ADAMTS17: variants seen among roughly 807,000 people sequenced by gnomAD.
ADAMTS17 encodes A disintegrin and metalloproteinase with thrombospondin motifs 17.
Under a neutral mutation model 141.5 loss-of-function variants are expected in ADAMTS17, and 113 were observed. The observed-to-expected ratio is 0.80, with a 90% confidence interval of 0.69 to 0.93. ADAMTS17 has a LOEUF of 0.93. Ranked by LOEUF, ADAMTS17 falls within the 40% of genes least tolerant of loss-of-function variation. ADAMTS17 has a pLI of 0.00. For missense variants in ADAMTS17, 1,659 were observed against 1,517.9 expected (o/e 1.09, Z -1.54); for synonymous variants, 768 against 630.6 (o/e 1.22, Z -3.27).
intron 21 of ADAMTS17, 40 bp from the exon 22 acceptor site, chr15:99,974,602 G>C (rs1247878809): frequency 6.2e-7 from 1 of 1,613,414 alleles, no homozygotes; most frequent in South Asian, 1.1e-5. Context: ...GTCAGGGATG[G>C]CCTAGGCATG....
intron 21 of ADAMTS17, among the ~76,000 whole-genome samples, chr15:99,974,782 G>C (rs962201801): frequency 2.0e-5 from 3 of 152,252 alleles, no homozygotes; most frequent in Non-Finnish European, 4.4e-5. Context: ...CCACATGACA[G>C]AGTGTGGTGG....
intron 2 of ADAMTS17, among the ~76,000 whole-genome samples, chr15:100,338,520 T>C (rs1457523766): frequency 6.6e-6 from 1 of 152,236 alleles, no homozygotes; most frequent in Non-Finnish European, 1.5e-5. Context: ...CATCCGTAGC[T>C]GTAGCTGCTT....
intron 12 of ADAMTS17, among the ~76,000 whole-genome samples, chr15:100,125,434 C>T (rs1223047422): frequency 1.3e-5 from 2 of 152,210 alleles, no homozygotes; most frequent in Non-Finnish European, 1.5e-5. Context: ...GTCCTCCCGC[C>T]GTCTTAGCAG....
At chr15:100,074,332 G>T (rs968797849) in intron 15 of ADAMTS17, 11 of 152,022 alleles carry the variant, frequency 7.2e-5, no homozygotes, top group Non-Finnish European at 1.2e-4. Flanking sequence ...CGGGCTTACG[G>T]TTATATAGAG....
intron 8 of ADAMTS17, among the ~76,000 whole-genome samples, chr15:100,188,762 C>T (rs773820776): frequency 3.9e-5 from 6 of 152,128 alleles, no homozygotes; most frequent in African/African-American, 9.7e-5. Flanking sequence ...GGAAACCTAG[C>T]GTCAAATTCC....
chr15:100,207,259 T>G (rs2041609866), intron 7 of ADAMTS17, among the ~76,000 whole-genome samples: 1 of 152,108 alleles, frequency 6.6e-6, no homozygotes, highest in Non-Finnish European at 1.5e-5. Context: ...GAGGACACAG[T>G]GAGAAGGCAG....
In ADAMTS17 at chr15:99,997,076, C is replaced by T. The variant is rs942710336; in HGVS notation, c.2796+309G>A. ...AGCCTGAGCACACCACAGTTAAATA[C>T]ACCCAAAGGAGAATTAAAAAGTCGG... is the stretch of plus-strand genomic sequence containing the variant. On this transcript the variant is annotated intron_variant, in intron 19 of 21. Coordinates refer to ENST00000268070, the MANE Select transcript of ADAMTS17 (RefSeq NM_139057.4). The surrounding 1 kb of genome is among the most constrained non-coding windows in gnomAD (Gnocchi z 4.7). Among the ~76,000 whole-genome samples, 3 of 152,214 alleles carry T rather than the reference C, an allele frequency of 2.0e-5. No individual in the cohort carries two copies. Among genetic ancestry groups the T allele is most frequent in the Non-Finnish European group, 4.4e-5 (3 of 68,048 alleles).
At chr15:100,078,273 A>G (rs1317176328) in intron 15 of ADAMTS17, among the ~76,000 whole-genome samples, 1 of 152,104 alleles carries the variant, frequency 6.6e-6, no homozygotes, top group Non-Finnish European at 1.5e-5. Context: ...TGAAAATGCA[A>G]CAGACCCAGA....
At chr15:100,004,885 T>C (rs2061008361) in intron 18 of ADAMTS17, among the ~76,000 whole-genome samples, 1 of 152,204 alleles carries the variant, frequency 6.6e-6, no homozygotes, top group East Asian at 1.9e-4. Context: ...CCTCCCAAAG[T>C]GCCGGGATTA....
intron 2 of ADAMTS17, among the ~76,000 whole-genome samples, chr15:100,333,462 C>T (rs1206651893): frequency 6.6e-6 from 1 of 152,144 alleles, no homozygotes; most frequent in African/African-American, 2.4e-5. Flanking sequence ...GGGGTGGAGC[C>T]CAGGCACTGA....
In ADAMTS17 at chr15:100,110,553, C is replaced by T. The variant is rs189695417; in HGVS notation, c.1889-1437G>A. Among the ~76,000 whole-genome samples, 41 of 152,012 alleles carry T rather than the reference C, an allele frequency of 2.7e-4. No individual in the cohort carries two copies. In the East Asian group the frequency reaches 6.2e-3, roughly 23 times the overall value. On this transcript the variant is annotated intron_variant, in intron 13 of 21. Coordinates refer to ENST00000268070, the MANE Select transcript of ADAMTS17 (RefSeq NM_139057.4). Reference sequence around the variant, plus strand: ...TGCTGGGATTATAGAAGTGAGCCACCGCGCCCCGCAAGACTCAGTATATAT... The same window carrying T: ...TGCTGGGATTATAGAAGTGAGCCACTGCGCCCCGCAAGACTCAGTATATAT...
intron 7 of ADAMTS17, among the ~76,000 whole-genome samples, chr15:100,207,025 G>C (rs534538571): frequency 6.6e-6 from 1 of 152,320 alleles, no homozygotes; most frequent in East Asian, 1.9e-4. Flanking sequence ...ACTGTTATGG[G>C]CTAAACTGTG....
At chr15:100,054,247 G>C (rs553928932) in intron 15 of ADAMTS17, among the ~76,000 whole-genome samples, 193 bp from the exon 16 acceptor site, 3 of 152,302 alleles carry the variant, frequency 2.0e-5, no homozygotes, top group African/African-American at 7.2e-5. Context: ...AGGGAGCACG[G>C]AGATGCAGAC....
intron 15 of ADAMTS17, among the ~76,000 whole-genome samples, chr15:100,078,712 G>C (rs2034541550): frequency 6.6e-6 from 1 of 152,130 alleles, no homozygotes; most frequent in Non-Finnish European, 1.5e-5. Context: ...AGAAAAAATA[G>C]TTTAACTGGA....
At chr15:100,090,764 T>G (rs555883945) in intron 15 of ADAMTS17, among the ~76,000 whole-genome samples, 2 of 151,972 alleles carry the variant, frequency 1.3e-5, no homozygotes, top group Non-Finnish European at 2.9e-5. Context: ...TTCCAGCACT[T>G]TGGGAGGCTG....
chr15:100,305,258 A>C lies in ADAMTS17; in HGVS notation c.617-23857T>G, dbSNP rs189771318. 4.6e-5 allele frequency among the ~76,000 whole-genome samples: 7 copies of C among 152,166 alleles called. No homozygotes were observed. The East Asian group carries it at 1.4e-3, about 29-fold the overall frequency. On this transcript the variant is annotated intron_variant, in intron 3 of 21. Transcript: ENST00000268070. ...TATTTTAAGCTTGTTTTAACATCTC[A>C]ACCTGGTCTTTATGGCTCTTTGTTT... is the stretch of plus-strand genomic sequence containing the variant.
intron 8 of ADAMTS17, among the ~76,000 whole-genome samples, chr15:100,171,290 C>CTTCT (rs745677655): frequency 1.3e-5 from 2 of 152,180 alleles, no homozygotes; most frequent in African/African-American, 4.8e-5. Context: ...TCCTTCCTTC[C>CTTCT]TTCTTTAAGA....
At chr15:100,087,377 A>G (rs1009891037) in intron 15 of ADAMTS17, among the ~76,000 whole-genome samples, 18 of 152,232 alleles carry the variant, frequency 1.2e-4, no homozygotes, top group African/African-American at 4.3e-4. Context: ...GTCCAGGACC[A>G]GATGGATTCA....
At chr15:100,149,208 C>T (rs1170430335) in intron 10 of ADAMTS17, among the ~76,000 whole-genome samples, 1 of 152,254 alleles carries the variant, frequency 6.6e-6, no homozygotes, top group Non-Finnish European at 1.5e-5. Context: ...ACTGTCTTCA[C>T]CTGGATTTGA....
Sources: allele counts gnomAD v4.1 joint callset (sites outside exome capture counted in the v4.1 genomes callset), GRCh38; gene constraint gnomAD v4.1.1; non-coding constraint Gnocchi (gnomAD v3.1); transcripts MANE v1.5; gene names NCBI Gene and HGNC (gene_info 2026-07-23, HGNC 2026-07-21).